Variants in MITF observed in about 807,000 individuals in gnomAD.
The protein encoded by MITF is melanocyte inducing transcription factor.
In MITF, 17 loss-of-function variants were observed where a neutral mutation model predicts 60.5. The ratio of observed to expected loss-of-function variants is 0.28; its 90% CI spans 0.19 to 0.42. The LOEUF (loss-of-function observed/expected upper bound fraction) is 0.42, where lower values mean the gene tolerates loss of function less well. Among genes scored for constraint, MITF ranks in the 10% least tolerant of loss-of-function variants. MITF has a pLI of 1.00. For synonymous variants in MITF, 260 were observed against 248.5 expected (o/e 1.05, Z -0.43); for missense variants, 622 against 683.5 (o/e 0.91, Z 1.00).
chr3:69,911,513 A>C (rs1036419487), intron 2 of MITF, among the ~76,000 whole-genome samples: 9 of 152,184 alleles, frequency 5.9e-5, no homozygotes, highest in African/African-American at 2.2e-4. Context: ...TGTTAATTAG[A>C]AAGACAAAGT....
intron 1 of MITF, among the ~76,000 whole-genome samples, chr3:69,798,417 A>C (rs1173945171): frequency 6.6e-6 from 1 of 152,218 alleles, no homozygotes. Context: ...ACTATTTATC[A>C]TTCAGAGTTG....
chr3:69,782,907 A>T (rs565376670), intron 1 of MITF, among the ~76,000 whole-genome samples: 1 of 152,220 alleles, frequency 6.6e-6, no homozygotes, highest in Non-Finnish European at 1.5e-5. Context: ...TGCCTCAGAG[A>T]ACATAAAAAT....
At chr3:69,929,996 C>T (rs1042083179) in intron 2 of MITF, among the ~76,000 whole-genome samples, 4 of 151,942 alleles carry the variant, frequency 2.6e-5, no homozygotes, top group African/African-American at 9.7e-5. Flanking sequence ...TTGACCTACC[C>T]CCGCCCCCAA....
intron 1 of MITF, among the ~76,000 whole-genome samples, chr3:69,798,708 A>T (rs2062869892): frequency 6.6e-6 from 1 of 152,126 alleles, no homozygotes. Flanking sequence ...GGTCTCCCAC[A>T]TTGCCTCCCC....
chr3:69,931,228 A>G (rs562797674), intron 2 of MITF, among the ~76,000 whole-genome samples: 35 of 152,346 alleles, frequency 2.3e-4, no homozygotes, highest in African/African-American at 7.9e-4. Flanking sequence ...ACATCGTGCT[A>G]TATAATGTAA....
intron 9 of MITF, among the ~76,000 whole-genome samples, chr3:69,963,281 C>T (rs948132934): frequency 1.3e-5 from 2 of 152,156 alleles, no homozygotes; most frequent in Non-Finnish European, 2.9e-5. Flanking sequence ...TAAAAAAATA[C>T]TTCCCCTTTG....
At chr3:69,784,007 T>G (rs1286728334) in intron 1 of MITF, among the ~76,000 whole-genome samples, 1 of 152,240 alleles carries the variant, frequency 6.6e-6, no homozygotes, top group African/African-American at 2.4e-5. Flanking sequence ...TTCTCCCCTT[T>G]CAAATATATT....
intron 1 of MITF, among the ~76,000 whole-genome samples, chr3:69,835,013 A>G (rs570059487): frequency 0.021 from 1,654 of 80,304 alleles, 30 homozygotes; most frequent in African/African-American, 0.063. Flanking sequence ...TTGCTCTTTT[A>G]CCTTTTTTTT....
intron 1 of MITF, among the ~76,000 whole-genome samples, chr3:69,761,102 G>A (rs1260701189): frequency 6.6e-6 from 1 of 152,056 alleles, no homozygotes; most frequent in African/African-American, 2.4e-5. Context: ...TTGTGTTAGT[G>A]CTTTAGCCTA....
intron 1 of MITF, among the ~76,000 whole-genome samples, chr3:69,828,707 G>A (rs2063396413): frequency 1.3e-5 from 2 of 152,072 alleles, no homozygotes; most frequent in African/African-American, 4.8e-5. Context: ...TATAAAATGA[G>A]TGATAATCTG....
At chr3:69,935,059 CT>C (rs1192661188) in intron 2 of MITF, among the ~76,000 whole-genome samples, 1 of 152,110 alleles carries the variant, frequency 6.6e-6, no homozygotes, top group Non-Finnish European at 1.5e-5. Context: ...GATGTGTGTC[CT>C]CTGGTTTGCC....
At chr3:69,826,167 C>T (rs2063351295) in intron 1 of MITF, among the ~76,000 whole-genome samples, 1 of 152,140 alleles carries the variant, frequency 6.6e-6, no homozygotes, top group African/African-American at 2.4e-5. Flanking sequence ...TTGAACATTA[C>T]CTGCACCCTA....
intron 2 of MITF, chr3:69,936,454 G>A: frequency 5.6e-6 from 3 of 536,762 alleles, no homozygotes; most frequent in Non-Finnish European, 8.9e-6. Flanking sequence ...GTCAAGCCAG[G>A]GGGAAAAATT....
At chr3:69,843,973 T>TA (rs1168776162) in intron 1 of MITF, among the ~76,000 whole-genome samples, 1 of 152,176 alleles carries the variant, frequency 6.6e-6, no homozygotes, top group Non-Finnish European at 1.5e-5. Flanking sequence ...AACTCCCACT[T>TA]ACGAGTGATA....
chr3:69,798,910 A>G (rs530911970), intron 1 of MITF, among the ~76,000 whole-genome samples: 1 of 152,066 alleles, frequency 6.6e-6, no homozygotes, highest in African/African-American at 2.4e-5. Context: ...CATCACCTTC[A>G]TTTTGCCTTG....
chr3:69,836,876 G>A (rs2107123201), intron 1 of MITF, among the ~76,000 whole-genome samples: 1 of 152,270 alleles, frequency 6.6e-6, no homozygotes, highest in East Asian at 1.9e-4. Context: ...GTCCCTGGAG[G>A]CCAGAGAAAC....
intron 2 of MITF, among the ~76,000 whole-genome samples, chr3:69,897,775 G>A (rs1250936904): frequency 6.6e-6 from 1 of 152,132 alleles, no homozygotes; most frequent in African/African-American, 2.4e-5. Flanking sequence ...ATTTTGCATT[G>A]TGTCTAACAT....
intron 1 of MITF, among the ~76,000 whole-genome samples, chr3:69,843,433 T>A (rs2063674930): frequency 6.6e-6 from 1 of 152,166 alleles, no homozygotes; most frequent in Admixed American, 6.5e-5. Context: ...TTGTGCATCC[T>A]CCCTCCACCC....
chr3:69,857,958 A>G (rs1239780956), intron 1 of MITF, among the ~76,000 whole-genome samples: 1 of 152,140 alleles, frequency 6.6e-6, no homozygotes, highest in Non-Finnish European at 1.5e-5. Flanking sequence ...ATTATTCTCT[A>G]TATCTGTATT....
Sources: allele counts gnomAD v4.1 joint callset (sites outside exome capture counted in the v4.1 genomes callset), GRCh38; gene constraint gnomAD v4.1.1; transcripts MANE v1.5; gene names NCBI Gene and HGNC (gene_info 2026-07-23, HGNC 2026-07-21).